CDH13: variants seen among roughly 807,000 people sequenced by gnomAD.
CDH13 encodes cadherin 13.
In CDH13, 24 loss-of-function variants were observed where a neutral mutation model predicts 63.8. The observed-to-expected ratio is 0.38, with a 90% CI of 0.27 to 0.53. The LOEUF (loss-of-function observed/expected upper bound fraction) is 0.53. Ranked by LOEUF, CDH13 falls within the 20% of genes least tolerant of loss-of-function variation. The pLI, the probability that CDH13 is intolerant of heterozygous loss-of-function variation, is 0.85. For synonymous variants in CDH13, 503 were observed against 355.3 expected (o/e 1.42, Z -4.67); for missense variants, 1,049 against 903.1 (o/e 1.16, Z -2.07).
intron 6 of CDH13, among the ~76,000 whole-genome samples, chr16:83,407,266 G>A (rs574470874): frequency 1.3e-5 from 2 of 152,204 alleles, no homozygotes; most frequent in Non-Finnish European, 2.9e-5. Flanking sequence ...GCCTCCAGAG[G>A]CATAATCTTA....
At position 82,813,607 on chromosome 16, in the gene CDH13, G is replaced by A. The variant is rs150119052; in HGVS notation, c.46-44755G>A. Reference sequence around the variant, plus strand: ...TCCCGGAGGCTGCTTGTGGCCACTCGCTGTGTGTCTGTGGCTATACAGACC... The same window carrying A: ...TCCCGGAGGCTGCTTGTGGCCACTCACTGTGTGTCTGTGGCTATACAGACC... On this transcript the variant is annotated intron_variant, in intron 1 of 13. Coordinates refer to ENST00000567109, the MANE Select transcript of CDH13 (RefSeq NM_001257.5). Among the ~76,000 whole-genome samples the A allele has an allele frequency of 1.5e-3, 221 of 152,208 alleles. 1 individual carries two copies. The highest frequency in any genetic ancestry group is 5.0e-3 in the African/African-American group (209 of 41,540).
intron 1 of CDH13, among the ~76,000 whole-genome samples, chr16:82,717,427 C>A (rs1177244699): frequency 8.9e-6 from 1 of 112,100 alleles, no homozygotes; most frequent in East Asian, 2.5e-4. Flanking sequence ...CAGAGTGAGA[C>A]TTTGCCTAAA....
chr16:82,983,357 T>C (rs1005984690), intron 2 of CDH13, among the ~76,000 whole-genome samples: 3 of 152,172 alleles, frequency 2.0e-5, no homozygotes, highest in African/African-American at 7.2e-5. Flanking sequence ...TTTCCCCTAA[T>C]ATAATAATTG....
At chr16:82,971,883 G>A (rs1398166430) in intron 2 of CDH13, among the ~76,000 whole-genome samples, 1 of 152,190 alleles carries the variant, frequency 6.6e-6, no homozygotes, top group Non-Finnish European at 1.5e-5. Context: ...ATTCTGCATG[G>A]CCTGTACCCT....
At chr16:83,379,557 C>T (rs1187590388) in intron 6 of CDH13, among the ~76,000 whole-genome samples, 2 of 152,080 alleles carry the variant, frequency 1.3e-5, no homozygotes, top group African/African-American at 4.8e-5. Flanking sequence ...CCACGTTTTC[C>T]CATGGTATGC....
intron 5 of CDH13, among the ~76,000 whole-genome samples, chr16:83,326,263 C>G (rs866594448): frequency 1.3e-5 from 2 of 152,116 alleles, no homozygotes; most frequent in Non-Finnish European, 2.9e-5. Flanking sequence ...GTAGCAATGC[C>G]TCTGCCAACA....
chr16:83,601,581 G>T (rs934473529), intron 7 of CDH13, among the ~76,000 whole-genome samples: 3 of 152,174 alleles, frequency 2.0e-5, no homozygotes, highest in Non-Finnish European at 2.9e-5. Context: ...TTCCCCATCT[G>T]TAAAATGGGA....
At position 83,125,942 on chromosome 16, in the gene CDH13, A is replaced by T. The variant is rs567008494; in HGVS notation, c.483+441A>T. On this transcript the variant is annotated intron_variant, in intron 4 of 13. Coordinates refer to ENST00000567109, the MANE Select transcript of CDH13 (RefSeq NM_001257.5). ...AACTAAACCAGATCAAGGGAATAAA[A>T]TCATACTAATCATATCCAGAATCGG... Among the ~76,000 whole-genome samples, 6 of 152,336 alleles carry T rather than the reference A, an allele frequency of 3.9e-5. No homozygotes were observed. In the East Asian group the frequency reaches 9.7e-4, roughly 25 times the overall value.
chr16:83,126,568 G>A (rs2035821035), intron 4 of CDH13, among the ~76,000 whole-genome samples: 1 of 152,168 alleles, frequency 6.6e-6, no homozygotes, highest in South Asian at 2.1e-4. Flanking sequence ...AGAGATGTGA[G>A]TCACAGATTG....
At chr16:82,674,259 T>A (rs1913634779) in intron 1 of CDH13, among the ~76,000 whole-genome samples, 1 of 152,250 alleles carries the variant, frequency 6.6e-6, no homozygotes. Context: ...GGAGGATTGA[T>A]GACTTCAGTT....
At chr16:83,617,062 C>G (rs1306156696) in intron 8 of CDH13, among the ~76,000 whole-genome samples, 1 of 152,162 alleles carries the variant, frequency 6.6e-6, no homozygotes, top group African/African-American at 2.4e-5. Flanking sequence ...ATGTTAGCCC[C>G]CTTCCTAGCC....
At chr16:83,116,590 A>G (rs1418856121) in intron 3 of CDH13, among the ~76,000 whole-genome samples, 2 of 152,210 alleles carry the variant, frequency 1.3e-5, no homozygotes, top group Admixed American at 6.5e-5. Context: ...AAATGTCCAG[A>G]AAAGACAAAC....
intron 1 of CDH13, chr16:82,727,363 C>T (rs890792468): frequency 6.6e-6 from 1 of 152,094 alleles, no homozygotes; most frequent in Admixed American, 6.6e-5. Flanking sequence ...GACTGATTTT[C>T]GTTTTCCCTG....
rs551418747 is a variant in CDH13, at chr16:82,861,374, A to AC, written c.157+2902dup. ...CAGCATAATCAATCAATTGATGTCT[A>AC]CACTCTTCACTTTTCTTTAAAGTTG... On this transcript the variant is annotated intron_variant, in intron 2 of 13. Coordinates refer to ENST00000567109, the MANE Select transcript of CDH13 (RefSeq NM_001257.5). 3.2e-3 allele frequency among the ~76,000 whole-genome samples: 480 copies of AC among 152,300 alleles called. 1 individual carries two copies. Among genetic ancestry groups the AC allele is most frequent in the Non-Finnish European group, 5.0e-3 (341 of 68,014 alleles).
intron 6 of CDH13, among the ~76,000 whole-genome samples, chr16:83,476,473 G>A (rs1433572050): frequency 6.6e-6 from 1 of 152,210 alleles, no homozygotes; most frequent in East Asian, 1.9e-4. Flanking sequence ...GGGAGTTTGA[G>A]ACCAGCCTGG....
intron 6 of CDH13, among the ~76,000 whole-genome samples, chr16:83,441,022 A>G (rs1235721483): frequency 6.6e-6 from 1 of 152,214 alleles, no homozygotes; most frequent in African/African-American, 2.4e-5. Context: ...ACTTTCTAAT[A>G]TATTTAAGGA....
At chr16:82,627,214 G>C in intron 1 of CDH13, 77 bp downstream of exon 1, 1 of 1,283,272 alleles carries the variant, frequency 7.8e-7, no homozygotes. Context: ...CAGGGTGAGG[G>C]GGCTTTCGGG....
chr16:83,322,157 G>C (rs560379358), intron 5 of CDH13, among the ~76,000 whole-genome samples: 3 of 152,230 alleles, frequency 2.0e-5, no homozygotes, highest in Non-Finnish European at 4.4e-5. Flanking sequence ...GGAGCACAAA[G>C]AGGAGGGAAA....
At chr16:83,286,102 C>G (rs1412159804) in intron 5 of CDH13, among the ~76,000 whole-genome samples, 1 of 152,124 alleles carries the variant, frequency 6.6e-6, no homozygotes, top group Non-Finnish European at 1.5e-5. Context: ...CAAGTCTGAG[C>G]AACGTTCCTG....
Sources: gnomAD v4.1 joint callset for allele counts (sites outside exome capture counted in the v4.1 genomes callset) on GRCh38, gnomAD v4.1.1 for gene constraint, MANE v1.5 for transcripts, NCBI Gene and HGNC (gene_info 2026-07-23, HGNC 2026-07-21) for gene names.